Variants in RAD51B observed in about 807,000 individuals in gnomAD.
RAD51B encodes the protein RAD51 paralog B.
Under a neutral mutation model 42.2 loss-of-function variants are expected in RAD51B, and 38 were observed. The ratio of observed to expected loss-of-function variants is 0.90; its 90% CI spans 0.70 to 1.18. The LOEUF (loss-of-function observed/expected upper bound fraction) is 1.18, where lower values mean the gene tolerates loss of function less well. Ranked by LOEUF, RAD51B falls within the 50% of genes most tolerant of loss-of-function variation. RAD51B has a pLI of 0.00. For missense variants in RAD51B, 373 were observed against 400.7 expected, an observed-to-expected ratio of 0.93 and a Z score of 0.59; for synonymous variants, 154 against 145.2, an observed-to-expected ratio of 1.06 and a Z score of -0.43.
At chr14:68,037,933 A>G (rs1024924223) in intron 7 of RAD51B, among the ~76,000 whole-genome samples, 1 of 152,264 alleles carries the variant, frequency 6.6e-6, no homozygotes, top group Non-Finnish European at 1.5e-5. Flanking sequence ...CACACAAACT[A>G]TTCTCCTTGA....
intron 7 of RAD51B, among the ~76,000 whole-genome samples, chr14:68,263,455 T>C (rs1166819708): frequency 2.0e-5 from 3 of 152,154 alleles, no homozygotes; most frequent in African/African-American, 7.2e-5. Context: ...TAGCAACATA[T>C]TGGAACAAAA....
chr14:68,441,541 C>CAAAAA (rs67477807), intron 9 of RAD51B, among the ~76,000 whole-genome samples: 11 of 68,000 alleles, frequency 1.6e-4, no homozygotes, highest in East Asian at 6.0e-4. Flanking sequence ...GACTCCATCT[C>CAAAAA]AAAAAAAAAA....
chr14:67,889,048 G>A (rs1324079380), intron 7 of RAD51B, among the ~76,000 whole-genome samples: 1 of 152,008 alleles, frequency 6.6e-6, no homozygotes, highest in East Asian at 1.9e-4. Flanking sequence ...AGTGAGAAAG[G>A]GGCACTGCTT....
chr14:68,477,658 G>A lies in RAD51B; in HGVS notation c.1047G>A (p.Lys349=), dbSNP rs748575517. The A allele has an allele frequency of 5.6e-6, 9 of 1,605,398 alleles. No individual in the cohort carries two copies. Among genetic ancestry groups the A allele is most frequent in the Non-Finnish European group, 7.7e-6 (9 of 1,175,992 alleles). ...TTTTTTTTCCTTTAGGCCAAGAGAA[G>A]CCATAGGGATACTGTGACCTTTGTC... ...EEGLVLQGQE[K]P is the part of the protein sequence containing the mutation. Residue 349 remains lysine, a synonymous_variant, in exon 11 of 11, where the codon AAG becomes AAA. Coordinates refer to ENST00000471583, the MANE Select transcript of RAD51B (RefSeq NM_133510.4).
chr14:68,190,854 A>G (rs2079251496), intron 7 of RAD51B, among the ~76,000 whole-genome samples: 1 of 152,146 alleles, frequency 6.6e-6, no homozygotes, highest in African/African-American at 2.4e-5. Flanking sequence ...ATTTTATCCC[A>G]TTGATTTAAA....
rs376751612 is a variant in RAD51B, at chr14:67,903,331, G to A, written c.756+16127G>A. Among the ~76,000 whole-genome samples, 18 of 152,062 alleles carry A rather than the reference G, an allele frequency of 1.2e-4. No homozygotes were observed. In the East Asian group the frequency reaches 2.7e-3, roughly 23 times the overall value. ...TGTGCATTTGTTTCAGAATCTTACC[G>A]CTTCTAGGACCTAGAACTTCTTTCT... On this transcript the variant is annotated intron_variant, in intron 7 of 10. Transcript: ENST00000471583.
At chr14:68,531,030 A>G (rs1887270180) in intron 10 of RAD51B, among the ~76,000 whole-genome samples, 2 of 152,204 alleles carry the variant, frequency 1.3e-5, no homozygotes, top group South Asian at 4.1e-4. Flanking sequence ...AACATATATA[A>G]TTAAATGTGT....
rs931903685 is a variant in RAD51B at position 68,670,244 on chromosome 14, G to A, written c.*11+19388G>A. Among the ~76,000 whole-genome samples, 5 of 152,244 alleles carry A rather than the reference G, an allele frequency of 3.3e-5. No individual in the cohort carries two copies. In the South Asian group the frequency reaches 1.0e-3, roughly 32 times the overall value. ...GTTGCTGAGGTCACCCTGGGAGCTG[G>A]GGCTCTTCCAAAAGGAAATCAGCAT... is the stretch of plus-strand genomic sequence containing the variant. On this transcript the variant is annotated intron_variant, in intron 11 of 11. Transcript: ENST00000488612.
chr14:68,105,369 T>TTGATGTATA (rs1034722999), intron 7 of RAD51B, among the ~76,000 whole-genome samples: 2 of 152,002 alleles, frequency 1.3e-5, no homozygotes, highest in African/African-American at 4.8e-5. Context: ...AATTTAAAAA[T>TTGATGTATA]TGATGTATAT....
intron 7 of RAD51B, among the ~76,000 whole-genome samples, chr14:67,994,198 G>T (rs2075344635): frequency 6.6e-6 from 1 of 151,094 alleles, no homozygotes; most frequent in Non-Finnish European, 1.5e-5. Flanking sequence ...TTGTTAAGGG[G>T]CCCAAAAATA....
chr14:68,273,014 A>G (rs895603766), intron 7 of RAD51B, among the ~76,000 whole-genome samples: 1 of 151,814 alleles, frequency 6.6e-6, no homozygotes, highest in East Asian at 1.9e-4. Flanking sequence ...AAGTTCTAGA[A>G]CTTCGGCTTC....
intron 4 of RAD51B, among the ~76,000 whole-genome samples, chr14:67,845,794 C>T (rs181122820): frequency 6.0e-4 from 92 of 152,280 alleles, no homozygotes; most frequent in Admixed American, 1.5e-3. Flanking sequence ...GTTCACTGTT[C>T]GCCTGATGGA....
chr14:67,958,873 T>C (rs1374842925), intron 7 of RAD51B, among the ~76,000 whole-genome samples: 1 of 152,232 alleles, frequency 6.6e-6, no homozygotes, highest in African/African-American at 2.4e-5. Flanking sequence ...TGTTAGAATG[T>C]TCAAGATACT....
chr14:68,146,316 G>A (rs2078248110), intron 7 of RAD51B, among the ~76,000 whole-genome samples: 1 of 152,200 alleles, frequency 6.6e-6, no homozygotes, highest in African/African-American at 2.4e-5. Flanking sequence ...TGGATATGAT[G>A]ACGTGCACCT....
intron 10 of RAD51B, among the ~76,000 whole-genome samples, chr14:68,522,089 C>A (rs1886622224): frequency 6.6e-6 from 1 of 152,176 alleles, no homozygotes; most frequent in Non-Finnish European, 1.5e-5. Context: ...GCGTCTTGCT[C>A]CCAGTCCACA....
chr14:68,648,113 GTA>G lies in RAD51B; in HGVS notation c.1037-2657_1037-2656del, dbSNP rs35536124. Among the ~76,000 whole-genome samples, 164 of 60,094 alleles carry G rather than the reference GTA, an allele frequency of 2.7e-3. 10 individuals carry two copies. The highest frequency in any genetic ancestry group is 8.4e-3 in the African/African-American group (153 of 18,260). 39.4% of individuals were successfully genotyped at this position (60,094 alleles called of 152,430 possible). On this transcript the variant is annotated intron_variant, in intron 10 of 11. Coordinates refer to the RAD51B transcript ENST00000488612. Reference sequence around the variant, plus strand: ...TGTGTGTATATATATATACACACACGTATATATATATACACACACGTATATAT... The same window carrying G: ...TGTGTGTATATATATATACACACACGTATATATATACACACACGTATATAT...
chr14:68,542,073 G>A (rs1241837841), intron 10 of RAD51B, among the ~76,000 whole-genome samples: 2 of 151,946 alleles, frequency 1.3e-5, no homozygotes, highest in African/African-American at 2.4e-5. Context: ...TTTTTTTAAA[G>A]GCTGAGATAA....
chr14:68,642,945 G>A lies in RAD51B; in HGVS notation c.1037-7836G>A, dbSNP rs1333976808. Among the ~76,000 whole-genome samples, 4 of 152,270 alleles carry A rather than the reference G, an allele frequency of 2.6e-5. No homozygotes were observed. In the East Asian group the frequency reaches 5.8e-4, roughly 22 times the overall value. On this transcript the variant is annotated intron_variant, in intron 10 of 11. Coordinates refer to the RAD51B transcript ENST00000488612. ...AGACTATTTCTAGTTTAATTCCGTT[G>A]TAGTTTGAGAGAAAACATTGTATGA...
intron 7 of RAD51B, among the ~76,000 whole-genome samples, chr14:68,184,152 C>T (rs985691635): frequency 1.3e-4 from 19 of 151,516 alleles, no homozygotes; most frequent in African/African-American, 4.6e-4. Context: ...CTTGGATGTC[C>T]CAGTGGCATG....
Sources: allele counts gnomAD v4.1 joint callset (sites outside exome capture counted in the v4.1 genomes callset), GRCh38; gene constraint gnomAD v4.1.1; transcripts MANE v1.5; gene names NCBI Gene and HGNC (gene_info 2026-07-23, HGNC 2026-07-21).